The following CACNA2D2 variants were observed in gnomAD, a reference collection of about 807,000 sequenced individuals.
CACNA2D2 encodes the protein voltage-dependent calcium channel subunit alpha-2/delta-2.
A neutral mutation model predicts 166.4 loss-of-function variants in CACNA2D2; 48 were observed. That is an observed-to-expected ratio of 0.29 (90% CI 0.23 to 0.37). The LOEUF is 0.37. Ranked by LOEUF, CACNA2D2 falls within the 10% of genes least tolerant of loss-of-function variation. The pLI is 1.00. For missense variants in CACNA2D2, 1,122 were observed against 1,433.0 expected (o/e 0.78, Z 3.50); for synonymous variants, 561 against 573.7 (o/e 0.98, Z 0.32).
chr3:50,484,432 G>A (rs1485428397), intron 1 of CACNA2D2, among the ~76,000 whole-genome samples: 1 of 152,068 alleles, frequency 6.6e-6, no homozygotes, highest in Non-Finnish European at 1.5e-5. Context: ...CGCACTAAGA[G>A]AAAACCCAAG....
chr3:50,455,739 C>G (rs1388654197), intron 2 of CACNA2D2, among the ~76,000 whole-genome samples: 2 of 152,130 alleles, frequency 1.3e-5, no homozygotes, highest in African/African-American at 4.8e-5. Flanking sequence ...CTCCCAGAAT[C>G]GAGCTGAAGA....
At chr3:50,484,470 C>G (rs769501131) in intron 1 of CACNA2D2, among the ~76,000 whole-genome samples, 26 of 152,184 alleles carry the variant, frequency 1.7e-4, no homozygotes, top group Non-Finnish European at 2.8e-4. Flanking sequence ...CCCCCAGTAG[C>G]TTCCCTGACC....
intron 3 of CACNA2D2, among the ~76,000 whole-genome samples, chr3:50,411,678 A>C (rs1403185075): frequency 6.6e-6 from 1 of 152,224 alleles, no homozygotes; most frequent in Non-Finnish European, 1.5e-5. Flanking sequence ...GAGTGCTCCA[A>C]GTCCACAAAC....
chr3:50,447,896 G>A (rs1708923638), intron 2 of CACNA2D2, among the ~76,000 whole-genome samples: 1 of 152,116 alleles, frequency 6.6e-6, no homozygotes, highest in Non-Finnish European at 1.5e-5. Flanking sequence ...GCTCAGGTAC[G>A]CTCTTCTAAG....
intron 4 of CACNA2D2, among the ~76,000 whole-genome samples, chr3:50,390,634 C>T (rs1199651151): frequency 6.6e-6 from 1 of 152,150 alleles, no homozygotes; most frequent in Non-Finnish European, 1.5e-5. Context: ...GGGGGAGTCA[C>T]CCACTCTGAG....
At chr3:50,422,881 T>A (rs1178021503) in intron 3 of CACNA2D2, among the ~76,000 whole-genome samples, 1 of 152,214 alleles carries the variant, frequency 6.6e-6, no homozygotes, top group African/African-American at 2.4e-5. Flanking sequence ...GGGGGTCTTA[T>A]TTCAGAAGTA....
chr3:50,469,232 C>G (rs548155646), intron 2 of CACNA2D2, among the ~76,000 whole-genome samples: 1 of 152,114 alleles, frequency 6.6e-6, no homozygotes, highest in Non-Finnish European at 1.5e-5. Flanking sequence ...AGGGGCCCTT[C>G]CTTTTGTCTC....
chr3:50,423,980 T>C (rs548488194), intron 3 of CACNA2D2, among the ~76,000 whole-genome samples: 28 of 152,346 alleles, frequency 1.8e-4, no homozygotes, highest in African/African-American at 6.7e-4. Flanking sequence ...CCCCACGCAA[T>C]ACCCCCAGAA....
chr3:50,408,110 T>A (rs1053243605), intron 3 of CACNA2D2, among the ~76,000 whole-genome samples: 4 of 151,946 alleles, frequency 2.6e-5, no homozygotes, highest in Admixed American at 2.6e-4. Flanking sequence ...CCCGACGAGG[T>A]CACCAAGGCT....
intron 4 of CACNA2D2, among the ~76,000 whole-genome samples, chr3:50,392,610 A>G (rs1015094596): frequency 2.6e-5 from 4 of 152,180 alleles, no homozygotes; most frequent in African/African-American, 9.6e-5. Flanking sequence ...CTCAGGACAG[A>G]AGTACTCAGG....
chr3:50,415,383 G>A (rs944578849), intron 3 of CACNA2D2, among the ~76,000 whole-genome samples: 9 of 152,204 alleles, frequency 5.9e-5, no homozygotes, highest in African/African-American at 2.2e-4. Flanking sequence ...CAGGAGTCCT[G>A]GAGACTTGAG....
rs1196821900 is a variant in CACNA2D2 at position 50,365,385 on chromosome 3, G to C, written c.3069C>G (p.Asn1023Lys). The C allele has an allele frequency of 6.2e-7, 1 of 1,613,538 alleles. No individual in the cohort carries two copies. The highest frequency in any genetic ancestry group is 1.7e-5 in the Admixed American group (1 of 59,982). Residue 1023 changes from asparagine to lysine, a missense_variant, in exon 35 of 38, where the codon AAC becomes AAG. Around this residue, in one of 2 missense-constraint regions of CACNA2D2, gnomAD observed 282 missense variants for 266.2 expected, o/e 1.06. Transcript: ENST00000424201. This position sits in a 1 kb window ranked among gnomAD's most constrained non-coding sequence, Gnocchi z 4.5. ...AGCAGTTTCCGCAGTCGATGATGGC[G>C]TTGTAGGAGGCGTTTACCGAGCCGA... ...YYFGSVNASYNAIIDCGNCSR... is the reference protein window; with the variant it reads ...YYFGSVNASYKAIIDCGNCSR...
intron 3 of CACNA2D2, among the ~76,000 whole-genome samples, chr3:50,422,685 C>T (rs990036270): frequency 6.6e-6 from 1 of 152,226 alleles, no homozygotes; most frequent in African/African-American, 2.4e-5. Context: ...TGCCCATCTA[C>T]AGATGGGGAA....
chr3:50,464,924 G>A (rs986196632), intron 2 of CACNA2D2, among the ~76,000 whole-genome samples: 6 of 152,266 alleles, frequency 3.9e-5, no homozygotes, highest in African/African-American at 1.2e-4. Context: ...CTGCTGCCAA[G>A]AAGGGCCCAG....
chr3:50,376,023 G>C lies in CACNA2D2; in HGVS notation c.1713C>G (p.Phe571Leu), dbSNP rs777991152. 3.7e-5 allele frequency: 59 copies of C among 1,613,228 alleles called. No individual in the cohort carries two copies. The highest frequency in any genetic ancestry group is 6.7e-5 in the Admixed American group (4 of 60,006). ...HPNLKPQTTN[F>L]REPVTLDFLD... ...GGAAGTCCAGAGTCACAGGCTCCCG[G>C]AAGTTGGTGGTCTGTTGGAGGCAGG... Residue 571 changes from phenylalanine (F) to leucine (L), a missense_variant, in exon 19 of 38, where the codon TTC (phenylalanine) becomes TTG (leucine). Physicochemically the swap from Phe to Leu is conservative, Grantham distance 22. Coordinates refer to ENST00000424201, the MANE Select transcript of CACNA2D2 (RefSeq NM_006030.4). The surrounding 1 kb of genome is among the most constrained non-coding windows in gnomAD (Gnocchi z 4.3).
intron 3 of CACNA2D2, among the ~76,000 whole-genome samples, chr3:50,425,945 A>G (rs745383005): frequency 6.6e-6 from 1 of 152,142 alleles, no homozygotes; most frequent in Non-Finnish European, 1.5e-5. Flanking sequence ...GGGACTGGCC[A>G]TCCTCTCCAG....
intron 2 of CACNA2D2, among the ~76,000 whole-genome samples, chr3:50,449,844 G>A (rs899143663): frequency 6.6e-6 from 1 of 152,206 alleles, no homozygotes; most frequent in Admixed American, 6.5e-5. Context: ...TAGGGACTGA[G>A]TAGGTGGGAG....
At chr3:50,385,760 G>A (rs372402807) in intron 5 of CACNA2D2, among the ~76,000 whole-genome samples, 3 of 152,232 alleles carry the variant, frequency 2.0e-5, no homozygotes, top group East Asian at 1.9e-4. Flanking sequence ...GAGCATGGAG[G>A]CCAGAGTGGA....
chr3:50,398,752 G>C (rs1444135736), intron 3 of CACNA2D2, among the ~76,000 whole-genome samples: 1 of 152,226 alleles, frequency 6.6e-6, no homozygotes, highest in Non-Finnish European at 1.5e-5. Context: ...TGGGACTGCT[G>C]AGTGGGGATG....
Sources: allele counts gnomAD v4.1 joint callset (sites outside exome capture counted in the v4.1 genomes callset), GRCh38; gene constraint gnomAD v4.1.1; regional missense constraint gnomAD v4.1.1; non-coding constraint Gnocchi (gnomAD v3.1); transcripts MANE v1.5; gene names NCBI Gene and HGNC (gene_info 2026-07-23, HGNC 2026-07-21).